Variants in SERINC3 observed in about 807,000 individuals in gnomAD.
SERINC3 encodes serine incorporator 3.
A neutral mutation model predicts 52.1 loss-of-function variants in SERINC3; 22 were observed. That is an observed-to-expected ratio of 0.42 (90% confidence interval 0.30 to 0.60). The LOEUF is 0.60. Ranked by LOEUF, SERINC3 falls within the 20% of genes least tolerant of loss-of-function variation. The probability of loss-of-function intolerance (pLI) is 0.16; values close to 1 mark genes in which losing one functional copy is unlikely to be tolerated. For synonymous variants in SERINC3, 226 were observed against 212.7 expected (o/e 1.06, Z -0.54); for missense variants, 564 against 584.6 (o/e 0.96, Z 0.36).
chr20:44,500,252 GGA>G lies in SERINC3; in HGVS notation c.*42_*43del, dbSNP rs774678122. ...AAAAGGTATATGGGTTTTCGGTGAA[GGA>G]GACCTTTGTGAGTTCCAGTGGTGTC... is the stretch of plus-strand genomic sequence containing the variant. On this transcript the variant is annotated 3_prime_UTR_variant, in exon 10 of 10. Coordinates refer to ENST00000342374, the MANE Select transcript of SERINC3 (RefSeq NM_006811.4). 118 of 1,583,444 alleles carry G rather than the reference GGA, an allele frequency of 7.5e-5. No homozygotes were observed. The highest frequency in any genetic ancestry group is 5.2e-4 in the Admixed American group (29 of 55,360).
chr20:44,512,344 AG>A, intron 3 of SERINC3, among the ~76,000 whole-genome samples: 1 of 151,344 alleles, frequency 6.6e-6, no homozygotes, highest in Non-Finnish European at 1.5e-5. Flanking sequence ...AAAAAAAAAA[AG>A]GAGAGAATTA....
intron 7 of SERINC3, 46 bp from the exon 8 acceptor site, chr20:44,504,041 G>T (rs2064296465): frequency 6.7e-7 from 1 of 1,499,454 alleles, no homozygotes; most frequent in Admixed American, 2.4e-5. Context: ...AGCTCATCTT[G>T]TTCCAAGAAA....
chr20:44,503,722 A>T (rs2064293871), intron 8 of SERINC3, 93 bp downstream of exon 8: 4 of 1,017,018 alleles, frequency 3.9e-6, no homozygotes, highest in Admixed American at 2.8e-5. Context: ...TGAAGTTTTT[A>T]AATTTCTCAT....
chr20:44,496,636 A>G (rs1283149223), downstream of SERINC3, among the ~76,000 whole-genome samples: 2 of 152,086 alleles, frequency 1.3e-5, no homozygotes, highest in East Asian at 3.9e-4. Flanking sequence ...TCTACTAAAA[A>G]CACAAAAATT....
Position 44,502,129 on chromosome 20 carries a change from C to A in SERINC3, c.1056-829G>T, listed in dbSNP as rs2064283706. Among the ~76,000 whole-genome samples the A allele has an allele frequency of 1.3e-5, 2 of 152,146 alleles. 1 individual carries two copies. The highest frequency in any genetic ancestry group is 1.3e-4 in the Admixed American group (2 of 15,278). On this transcript the variant is annotated intron_variant, in intron 8 of 9. Transcript: ENST00000342374. ...CAATGTAGTAAAATTCTAGCCAGAG[C>A]AAATAGAAGAGATAAATGGTATCCA...
At position 44,497,939 on chromosome 20, in the gene SERINC3, C is replaced by A. The variant is rs1405303237; in HGVS notation, c.*2357G>T. On this transcript the variant is annotated 3_prime_UTR_variant, in exon 10 of 10. Transcript: ENST00000342374. Reference sequence around the variant, plus strand: ...CTATGTCAGTGCTAAAAATGGGTTACACTTTGCAAAATAACTTTATTCTTT... The same window carrying A: ...CTATGTCAGTGCTAAAAATGGGTTAAACTTTGCAAAATAACTTTATTCTTT... The A allele has an allele frequency of 2.0e-5, 3 of 152,212 alleles. No individual in the cohort carries two copies. The highest frequency in any genetic ancestry group is 2.9e-5 in the Non-Finnish European group (2 of 68,048). 9.4% of individuals were successfully genotyped at this position (152,212 alleles called of 1,614,324 possible).
At chr20:44,512,342 AAAG>A (rs2064353131) in intron 3 of SERINC3, among the ~76,000 whole-genome samples, 1 of 151,906 alleles carries the variant, frequency 6.6e-6, no homozygotes, top group Non-Finnish European at 1.5e-5. Context: ...AAAAAAAAAA[AAAG>A]GAGAGAATTA....
chr20:44,514,809 C>T (rs781746490), intron 1 of SERINC3, among the ~76,000 whole-genome samples: 9 of 151,976 alleles, frequency 5.9e-5, no homozygotes, highest in Non-Finnish European at 4.4e-5. Context: ...CATGGAAACC[C>T]TCTGACAAAT....
At chr20:44,508,871 G>A (rs2064330772) in intron 5 of SERINC3, among the ~76,000 whole-genome samples, 1 of 152,218 alleles carries the variant, frequency 6.6e-6, no homozygotes, top group African/African-American at 2.4e-5. Flanking sequence ...TTGCAGATAG[G>A]TGGAGATTTG....
At chr20:44,507,097 C>T (rs2123045705) in intron 5 of SERINC3, 101 bp from the exon 6 acceptor site, 1 of 846,816 alleles carries the variant, frequency 1.2e-6, no homozygotes. Flanking sequence ...GACATTATGT[C>T]ACTTTTCTGG....
At chr20:44,506,609 A>AAAAAAAAAAAAAAAG (rs1568786484) in intron 6 of SERINC3, among the ~76,000 whole-genome samples, 1 of 146,284 alleles carries the variant, frequency 6.8e-6, no homozygotes, top group African/African-American at 2.6e-5. Flanking sequence ...AAAAAAAAAA[A>AAAAAAAAAAAAAAAG]AGCACTATAA....
At chr20:44,509,850 A>T (rs1263726018) in intron 5 of SERINC3, 41 bp downstream of exon 5, 2 of 1,603,606 alleles carry the variant, frequency 1.2e-6, no homozygotes, top group African/African-American at 2.7e-5. Context: ...ACCGTGCTTA[A>T]TGTAGCAGTA....
chr20:44,516,583 G>T (rs1298559447), intron 1 of SERINC3, among the ~76,000 whole-genome samples: 1 of 151,876 alleles, frequency 6.6e-6, no homozygotes, highest in East Asian at 2.0e-4. Context: ...GTAAAGACAG[G>T]GTTTCACCAT....
chr20:44,508,205 C>T (rs939357303), intron 5 of SERINC3, among the ~76,000 whole-genome samples: 12 of 152,158 alleles, frequency 7.9e-5, no homozygotes, highest in Admixed American at 3.3e-4. Context: ...AAATAACAGC[C>T]GGGTGTGGTG....
intron 6 of SERINC3, among the ~76,000 whole-genome samples, chr20:44,505,099 G>C (rs991109144): frequency 2.0e-5 from 3 of 152,160 alleles, no homozygotes; most frequent in Non-Finnish European, 4.4e-5. Flanking sequence ...GGTTCTCAAC[G>C]CATTTCACAA....
chr20:44,500,989 T>G, intron 9 of SERINC3, 84 bp downstream of exon 9: 2 of 954,624 alleles, frequency 2.1e-6, no homozygotes, highest in Non-Finnish European at 3.3e-6. Flanking sequence ...AGAGCAAGGG[T>G]TCTGAGGTCA....
At chr20:44,508,671 T>A (rs1190464726) in intron 5 of SERINC3, among the ~76,000 whole-genome samples, 1 of 152,156 alleles carries the variant, frequency 6.6e-6, no homozygotes, top group African/African-American at 2.4e-5. Context: ...GGAGCTTGAA[T>A]GCAGGTTAAA....
At chr20:44,505,656 T>C (rs2064307169) in intron 6 of SERINC3, among the ~76,000 whole-genome samples, 2 of 151,546 alleles carry the variant, frequency 1.3e-5, no homozygotes, top group African/African-American at 2.4e-5. Context: ...TGGAGTGCAA[T>C]GGCGCAATCT....
chr20:44,514,523 G>A (rs1239339736), intron 1 of SERINC3, among the ~76,000 whole-genome samples: 1 of 152,198 alleles, frequency 6.6e-6, no homozygotes, highest in Non-Finnish European at 1.5e-5. Context: ...ACTTTGGGAG[G>A]CCGAGGCGGG....
Sources: allele counts gnomAD v4.1 joint callset (sites outside exome capture counted in the v4.1 genomes callset), GRCh38; gene constraint gnomAD v4.1.1; transcripts MANE v1.5; gene names NCBI Gene and HGNC (gene_info 2026-07-23, HGNC 2026-07-21).